GRIP1: variants seen among roughly 807,000 people sequenced by gnomAD.
The protein encoded by GRIP1 is glutamate receptor interacting protein 1, also known as glutamate receptor-interacting protein 1.
Under a neutral mutation model 129.9 loss-of-function variants are expected in GRIP1, and 45 were observed. The ratio of observed to expected loss-of-function variants is 0.35; its 90% CI spans 0.27 to 0.44. GRIP1 has a LOEUF of 0.44. Ranked by LOEUF, GRIP1 falls within the 20% of genes least tolerant of loss-of-function variation. GRIP1 has a pLI of 1.00. For missense variants in GRIP1, 1,196 were observed against 1,396.8 expected (o/e 0.86, Z 2.29); for synonymous variants, 530 against 520.8 (o/e 1.02, Z -0.24).
chr12:66,849,326 G>A (rs1016412676), intron 1 of GRIP1, among the ~76,000 whole-genome samples: 23 of 152,100 alleles, frequency 1.5e-4, no homozygotes, highest in African/African-American at 5.5e-4. Flanking sequence ...GGTCACTCCA[G>A]CCAGCATCAA....
chr12:66,747,705 A>G (rs1367490419), intron 1 of GRIP1, among the ~76,000 whole-genome samples: 1 of 152,204 alleles, frequency 6.6e-6, no homozygotes, highest in African/African-American at 2.4e-5. Flanking sequence ...CTGAAACTCA[A>G]TCTCTTAATC....
intron 1 of GRIP1, among the ~76,000 whole-genome samples, chr12:66,828,649 A>G (rs961807827): frequency 3.9e-5 from 6 of 152,172 alleles, no homozygotes; most frequent in Non-Finnish European, 7.4e-5. Flanking sequence ...AGAAAGTTTT[A>G]TCTTTCTTTT....
intron 15 of GRIP1, among the ~76,000 whole-genome samples, chr12:66,418,747 C>A (rs746510505): frequency 1.7e-4 from 26 of 152,106 alleles, no homozygotes; most frequent in Non-Finnish European, 3.5e-4. Context: ...AATGAGATAT[C>A]ATCTGACCCG....
chr12:66,754,396 C>T (rs542870101), intron 1 of GRIP1, among the ~76,000 whole-genome samples: 27 of 152,248 alleles, frequency 1.8e-4, no homozygotes, highest in Admixed American at 5.9e-4. Context: ...CAACACACAC[C>T]GCAGCGTTTC....
intron 1 of GRIP1, among the ~76,000 whole-genome samples, chr12:66,966,311 G>C (rs1235869477): frequency 6.6e-6 from 1 of 152,092 alleles, no homozygotes; most frequent in East Asian, 1.9e-4. Context: ...ATGTATTTCA[G>C]CAGTTTTAGA....
intron 1 of GRIP1, among the ~76,000 whole-genome samples, chr12:67,010,089 G>T (rs1252903718): frequency 6.6e-6 from 1 of 152,060 alleles, no homozygotes; most frequent in Non-Finnish European, 1.5e-5. Context: ...TATACCATGG[G>T]ACTGTCTCCA....
intron 11 of GRIP1, among the ~76,000 whole-genome samples, chr12:66,446,234 C>T (rs2058625264): frequency 6.6e-6 from 1 of 151,988 alleles, no homozygotes; most frequent in African/African-American, 2.4e-5. Flanking sequence ...TCATCTACAC[C>T]TTCCAGCAGA....
chr12:67,065,145 C>A (rs2043603039), intron 1 of GRIP1: 1 of 151,776 alleles, frequency 6.6e-6, no homozygotes, highest in African/African-American at 2.4e-5. Flanking sequence ...TTATTTATAT[C>A]TAAAGGGGTC....
chr12:66,788,183 T>C (rs2038416685), intron 1 of GRIP1, among the ~76,000 whole-genome samples: 1 of 151,534 alleles, frequency 6.6e-6, no homozygotes, highest in Non-Finnish European at 1.5e-5. Flanking sequence ...GCACCTACTA[T>C]CGGGACAACA....
chr12:66,795,285 G>A (rs2038662802), intron 1 of GRIP1, among the ~76,000 whole-genome samples: 1 of 152,148 alleles, frequency 6.6e-6, no homozygotes, highest in Non-Finnish European at 1.5e-5. Flanking sequence ...GCTTACATTT[G>A]ACATGTGCCT....
chr12:66,689,674 CAT>C (rs1460397049), intron 1 of GRIP1, among the ~76,000 whole-genome samples: 2 of 151,926 alleles, frequency 1.3e-5, no homozygotes, highest in African/African-American at 4.8e-5. Context: ...TGACGGGGGT[CAT>C]GAGGGTACTT....
upstream of GRIP1, among the ~76,000 whole-genome samples, chr12:66,807,959 AGCC>A (rs386763864): frequency 0.59 from 89,172 of 150,798 alleles, 26,396 homozygotes; most frequent in East Asian, 0.64. Flanking sequence ...GCCAACCTAA[AGCC>A]CTTTGTCAAT....
chr12:67,050,297 T>C (rs1166930154), intron 1 of GRIP1, among the ~76,000 whole-genome samples: 1 of 152,140 alleles, frequency 6.6e-6, no homozygotes, highest in Non-Finnish European at 1.5e-5. Context: ...TTCTTCATTA[T>C]TTGGAGTGGA....
intron 1 of GRIP1, among the ~76,000 whole-genome samples, chr12:66,759,292 C>T (rs2037396881): frequency 6.6e-6 from 1 of 152,234 alleles, no homozygotes; most frequent in Non-Finnish European, 1.5e-5. Context: ...ACATTGGCCC[C>T]TTTCACCCAT....
intron 14 of GRIP1, among the ~76,000 whole-genome samples, chr12:66,425,427 G>A (rs1285636953): frequency 1.3e-5 from 2 of 152,092 alleles, no homozygotes; most frequent in African/African-American, 4.8e-5. Context: ...ATTCCTCAGG[G>A]ATCTAGAACT....
intron 11 of GRIP1, among the ~76,000 whole-genome samples, chr12:66,448,629 T>A (rs1302330420): frequency 6.6e-6 from 1 of 152,152 alleles, no homozygotes; most frequent in Non-Finnish European, 1.5e-5. Context: ...TCAATGGATA[T>A]CCCATCCACA....
chr12:66,585,411 G>A (rs1246697285), intron 2 of GRIP1, among the ~76,000 whole-genome samples: 1 of 135,968 alleles, frequency 7.4e-6, no homozygotes, highest in East Asian at 2.1e-4. Flanking sequence ...TTTCATCCAT[G>A]TCCCTACAAA....
intron 1 of GRIP1, chr12:67,037,422 C>A (rs1433591275): frequency 6.6e-6 from 1 of 151,166 alleles, no homozygotes; most frequent in Non-Finnish European, 1.5e-5. Context: ...GAAGCCAATT[C>A]TTGAAGTGCC....
rs576019042 is a variant in GRIP1 at position 66,456,293 on chromosome 12, G to A, written c.1092C>T (p.Ser364=). Residue 364 remains serine (S), a synonymous_variant, in exon 10 of 25, where the codon AGC becomes AGT. Coordinates refer to ENST00000359742, the MANE Select transcript of GRIP1 (RefSeq NM_001366722.1). ...GGTTGGTGTGAAGGCTGCTGTGGTT[G>A]CTGGCCCAGGAATCCCAGGTAAGTT... ...DRQLTWDSWA[S]NHSSLHTNHH... 2.3e-6 allele frequency: 3 copies of A among 1,289,200 alleles called. No individual in the cohort carries two copies. Among genetic ancestry groups the A allele is most frequent in the Non-Finnish European group, 3.0e-6 (3 of 988,104 alleles). 79.9% of individuals were successfully genotyped at this position (1,289,200 alleles called of 1,614,324 possible).
Sources: gnomAD v4.1 joint callset for allele counts (sites outside exome capture counted in the v4.1 genomes callset) on GRCh38, gnomAD v4.1.1 for gene constraint, MANE v1.5 for transcripts, NCBI Gene and HGNC (gene_info 2026-07-23, HGNC 2026-07-21) for gene names.